The following ACMSD variants were observed in gnomAD, a reference collection of about 807,000 sequenced individuals.
ACMSD encodes the protein 2-amino-3-carboxymuconate-6-semialdehyde decarboxylase.
In ACMSD, 37 loss-of-function variants were observed where a neutral mutation model predicts 45.9. The ratio of observed to expected loss-of-function variants is 0.81; its 90% CI spans 0.62 to 1.06. The LOEUF (loss-of-function observed/expected upper bound fraction) is 1.06. Among genes scored for constraint, ACMSD ranks in the 50% least tolerant of loss-of-function variants. The probability of loss-of-function intolerance (pLI) is 0.00; values close to 1 mark genes in which losing one functional copy is unlikely to be tolerated. For missense variants in ACMSD, 434 were observed against 420.9 expected (o/e 1.03, Z -0.27); for synonymous variants, 138 against 148.8 (o/e 0.93, Z 0.53).
chr2:134,886,481 C>G (rs1205257446), intron 8 of ACMSD, among the ~76,000 whole-genome samples: 1 of 151,896 alleles, frequency 6.6e-6, no homozygotes, highest in Non-Finnish European at 1.5e-5. Context: ...ATCTCCTGAC[C>G]TCGTGATCTG....
intron 8 of ACMSD, among the ~76,000 whole-genome samples, chr2:134,888,549 A>C (rs1478242019): frequency 6.6e-6 from 1 of 152,240 alleles, no homozygotes; most frequent in African/African-American, 2.4e-5. Flanking sequence ...TATTCCAAAT[A>C]GCCAAAAACT....
intron 1 of ACMSD, among the ~76,000 whole-genome samples, chr2:134,843,824 C>T (rs1014721832): frequency 3.3e-5 from 5 of 152,218 alleles, no homozygotes; most frequent in African/African-American, 1.2e-4. Context: ...AGATCCTCTG[C>T]AATCTGACCC....
chr2:134,876,243 T>G (rs542574240), intron 8 of ACMSD, among the ~76,000 whole-genome samples: 1 of 152,260 alleles, frequency 6.6e-6, no homozygotes, highest in South Asian at 2.1e-4. Flanking sequence ...TACACTAAAT[T>G]TTTTAAAAAT....
intron 2 of ACMSD, among the ~76,000 whole-genome samples, chr2:134,851,810 G>C (rs1387329806): frequency 6.6e-6 from 1 of 152,118 alleles, no homozygotes; most frequent in East Asian, 1.9e-4. Flanking sequence ...TGGCCATTCT[G>C]ATTGTTGTGA....
chr2:134,860,967 C>T (rs548991705), intron 3 of ACMSD, among the ~76,000 whole-genome samples: 2 of 151,818 alleles, frequency 1.3e-5, no homozygotes, highest in East Asian at 3.9e-4. Flanking sequence ...GAGTTTGAGG[C>T]TGCAGTGAGC....
At chr2:134,858,990 CA>C (rs1201946613) in intron 2 of ACMSD, among the ~76,000 whole-genome samples, 2 of 148,310 alleles carry the variant, frequency 1.3e-5, no homozygotes. Context: ...CAGCCATTCT[CA>C]GTCAGGCAGC....
Position 134,862,995 on chromosome 2 carries a change from T to C in ACMSD, c.250-400T>C, listed in dbSNP as rs139202953. 6.7e-4 allele frequency: 657 copies of C among 985,422 alleles called. 10 individuals are homozygous for C. In the Middle Eastern group the frequency reaches 0.019, roughly 29 times the overall value. 61.0% of individuals were successfully genotyped at this position (985,422 alleles called of 1,614,324 possible). On this transcript the variant is annotated intron_variant, in intron 4 of 9. Transcript: ENST00000356140. ...CAGCCTGGCGGCCCTCAATGGGGCA[T>C]GACAAGGAGGTGCCTTGATGGTGGC...
At chr2:134,877,241 T>C (rs1007360425) in intron 8 of ACMSD, among the ~76,000 whole-genome samples, 6 of 152,180 alleles carry the variant, frequency 3.9e-5, no homozygotes, top group African/African-American at 1.4e-4. Context: ...CCATTATAAT[T>C]TTATGGGACC....
chr2:134,890,048 T>G (rs925809232), intron 8 of ACMSD, among the ~76,000 whole-genome samples: 6 of 152,188 alleles, frequency 3.9e-5, no homozygotes, highest in Middle Eastern at 3.4e-3. Context: ...TACTGAATGA[T>G]AATACCAGTG....
At chr2:134,887,100 T>C (rs1689505609) in intron 8 of ACMSD, among the ~76,000 whole-genome samples, 1 of 152,152 alleles carries the variant, frequency 6.6e-6, no homozygotes. Context: ...TCTAAATAAA[T>C]GGAAAGTTCT....
chr2:134,881,425 G>A (rs1689031833), intron 8 of ACMSD, among the ~76,000 whole-genome samples: 1 of 152,158 alleles, frequency 6.6e-6, no homozygotes. Context: ...ACAACAATAA[G>A]CAGAGATATG....
chr2:134,891,645 G>C (rs182758777), intron 8 of ACMSD, among the ~76,000 whole-genome samples: 10 of 152,246 alleles, frequency 6.6e-5, no homozygotes, highest in Non-Finnish European at 7.4e-5. Flanking sequence ...ATGTAAATTA[G>C]TACAACCTTT....
Position 134,859,321 on chromosome 2 carries a change from G to T in ACMSD, c.163G>T (p.Asp55Tyr). Residue 55 changes from aspartate to tyrosine, a missense_variant, in exon 3 of 10, where the codon GAT becomes TAT. Transcript: ENST00000356140. ...CAGAGTGGTGCGAGAGAATTGCTGG[G>T]ATCCAGAAGTTCGTATTAGAGAAAT... is the stretch of plus-strand genomic sequence containing the variant. ...VFRVVRENCW[D>Y]PEVRIREMDQ... 6.2e-7 allele frequency: 1 copy of T among 1,614,052 alleles called. No individual in the cohort carries two copies. Among genetic ancestry groups the T allele is most frequent in the Non-Finnish European group, 8.5e-7 (1 of 1,179,994 alleles).
In ACMSD at chr2:134,838,714, C is replaced by G. The variant is rs1262250299; in HGVS notation, c.32C>G (p.Pro11Arg). Residue 11 changes from proline (P) to arginine (R), a missense_variant, in exon 1 of 10, where the codon CCA becomes CGA. Pro to Arg is a moderately radical substitution (Grantham distance 103). Transcript: ENST00000356140. ...ATTGACATCCATAGTCATATTCTAC[C>G]AAAAGAATGGCCAGATCTAAAAAAG... MKIDIHSHIL[P>R]KEWPDLKKRF... 6.2e-7 allele frequency: 1 copy of G among 1,611,660 alleles called. No homozygotes were observed.
chr2:134,871,123 C>A, intron 7 of ACMSD, 63 bp downstream of exon 7: 1 of 1,392,348 alleles, frequency 7.2e-7, no homozygotes, highest in Non-Finnish European at 1.0e-6. Context: ...GATGGGGTGA[C>A]TGTAAGAAAA....
chr2:134,862,449 G>A (rs1418716731), intron 4 of ACMSD, among the ~76,000 whole-genome samples: 1 of 152,158 alleles, frequency 6.6e-6, no homozygotes, highest in Non-Finnish European at 1.5e-5. Context: ...TAATCCTGAA[G>A]TGGGATGCCC....
intron 3 of ACMSD, among the ~76,000 whole-genome samples, chr2:134,860,615 G>T (rs1687800864): frequency 6.6e-6 from 1 of 151,948 alleles, no homozygotes; most frequent in Admixed American, 6.6e-5. Flanking sequence ...TTATTCCAAG[G>T]TCTGCAAAAA....
intron 3 of ACMSD, 94 bp from the exon 4 acceptor site, chr2:134,861,874 AG>A (rs1687866084): frequency 7.5e-7 from 1 of 1,341,330 alleles, no homozygotes; most frequent in African/African-American, 1.4e-5. Context: ...GGAGGAGTTT[AG>A]GGTGGAGGCT....
At position 134,847,218 on chromosome 2, in the gene ACMSD, C is replaced by G. The variant is rs114252434; in HGVS notation, c.102+1941C>G. Among the ~76,000 whole-genome samples the G allele has an allele frequency of 3.1e-3, 468 of 152,032 alleles. 2 individuals are homozygous for G. Among genetic ancestry groups the G allele is most frequent in the African/African-American group, 0.011 (448 of 41,444 alleles). On this transcript the variant is annotated intron_variant, in intron 2 of 9. Coordinates refer to ENST00000356140, the MANE Select transcript of ACMSD (RefSeq NM_138326.3). ...ACCACTTTGGTTGCTCTGTGGAGAA[C>G]ACATAGAGGCAGACAAGAGTAGGGA...
Sources: allele counts gnomAD v4.1 joint callset (sites outside exome capture counted in the v4.1 genomes callset), GRCh38; gene constraint gnomAD v4.1.1; transcripts MANE v1.5; gene names NCBI Gene and HGNC (gene_info 2026-07-23, HGNC 2026-07-21).